Variants in OPCML observed in about 807,000 individuals in gnomAD.
OPCML encodes the protein opioid-binding protein/cell adhesion molecule.
A neutral mutation model predicts 37.8 loss-of-function variants in OPCML; 13 were observed. The observed-to-expected ratio is 0.34, with a 90% CI of 0.22 to 0.55. The LOEUF is 0.55. Among genes scored for constraint, OPCML ranks in the 20% least tolerant of loss-of-function variants. OPCML has a pLI of 0.91. For synonymous variants in OPCML, 176 were observed against 168.8 expected (o/e 1.04, Z -0.33); for missense variants, 341 against 435.6 (o/e 0.78, Z 1.93).
At chr11:133,487,891 T>C (rs1448286168) in intron 1 of OPCML, among the ~76,000 whole-genome samples, 1 of 145,218 alleles carries the variant, frequency 6.9e-6, no homozygotes, top group African/African-American at 2.7e-5. Context: ...TGTAGCAAAC[T>C]GAATCCAACA....
At chr11:132,998,085 C>T (rs1190087127) in intron 1 of OPCML, among the ~76,000 whole-genome samples, 1 of 152,166 alleles carries the variant, frequency 6.6e-6, no homozygotes, top group African/African-American at 2.4e-5. Flanking sequence ...CGGCTGCCTG[C>T]CCATCCTTCA....
chr11:133,025,409 A>G (rs1947533113), intron 1 of OPCML: 1 of 985,316 alleles, frequency 1.0e-6, no homozygotes, highest in Non-Finnish European at 1.2e-6. Context: ...TATTCCCAAA[A>G]TGTGTGTCTC....
At chr11:132,944,989 G>A (rs1945714373) in intron 1 of OPCML, among the ~76,000 whole-genome samples, 1 of 152,214 alleles carries the variant, frequency 6.6e-6, no homozygotes, top group South Asian at 2.1e-4. Context: ...AGGATACAAA[G>A]GCATACTACT....
intron 1 of OPCML, among the ~76,000 whole-genome samples, chr11:133,328,602 T>C (rs1045516044): frequency 2.0e-5 from 3 of 152,174 alleles, no homozygotes; most frequent in African/African-American, 7.2e-5. Flanking sequence ...TACTAAATAT[T>C]GAGGACACAA....
At chr11:133,160,522 C>T (rs959413395) in intron 1 of OPCML, among the ~76,000 whole-genome samples, 8 of 152,246 alleles carry the variant, frequency 5.3e-5, no homozygotes, top group Non-Finnish European at 1.0e-4. Flanking sequence ...TGACTTGTCT[C>T]ATCAATGTTT....
At chr11:133,432,896 A>C (rs1244626916) in intron 1 of OPCML, among the ~76,000 whole-genome samples, 1 of 152,134 alleles carries the variant, frequency 6.6e-6, no homozygotes, top group African/African-American at 2.4e-5. Context: ...TAATAAAAGA[A>C]ATGTTGGGAA....
At chr11:132,649,411 T>G (rs1941318233) in intron 3 of OPCML, among the ~76,000 whole-genome samples, 1 of 152,174 alleles carries the variant, frequency 6.6e-6, no homozygotes, top group Admixed American at 6.5e-5. Flanking sequence ...TATTCGTTAA[T>G]ATCTGAGAAA....
chr11:132,995,966 G>A (rs1248714206), intron 1 of OPCML, among the ~76,000 whole-genome samples: 1 of 152,202 alleles, frequency 6.6e-6, no homozygotes, highest in Non-Finnish European at 1.5e-5. Flanking sequence ...CCTCTGGGCA[G>A]CCCCAGCCAA....
intron 3 of OPCML, among the ~76,000 whole-genome samples, chr11:132,632,763 C>A (rs1318136471): frequency 1.3e-5 from 2 of 152,094 alleles, no homozygotes. Flanking sequence ...CATAGCCAAA[C>A]TATGCAAATG....
rs556540773 is a variant in OPCML at position 132,774,915 on chromosome 11, T to C, written c.147-117596A>G. 2.1e-4 allele frequency among the ~76,000 whole-genome samples: 32 copies of C among 152,310 alleles called. 1 individual carries two copies. In the South Asian group the frequency reaches 6.4e-3, roughly 31 times the overall value. On this transcript the variant is annotated intron_variant, in intron 2 of 7. Coordinates refer to ENST00000524381, the MANE Select transcript of OPCML (RefSeq NM_001012393.5). ...TATATACCATTTATCCCAATTCACTTTGGAGGGTGAGAGCCATATCATGTA... is the reference window on the plus strand; with the variant it reads ...TATATACCATTTATCCCAATTCACTCTGGAGGGTGAGAGCCATATCATGTA...
chr11:133,305,602 A>G (rs778540728), intron 1 of OPCML, among the ~76,000 whole-genome samples: 9 of 152,256 alleles, frequency 5.9e-5, no homozygotes, highest in Middle Eastern at 3.4e-3. Context: ...AAATTTTGCC[A>G]CCCTTTTCTC....
intron 1 of OPCML, among the ~76,000 whole-genome samples, chr11:133,394,209 C>T (rs1945238040): frequency 6.6e-6 from 1 of 152,138 alleles, no homozygotes; most frequent in African/African-American, 2.4e-5. Context: ...ATTATAGTTG[C>T]CAAATTATGT....
At chr11:133,110,270 A>G (rs1395075874) in intron 1 of OPCML, among the ~76,000 whole-genome samples, 1 of 152,226 alleles carries the variant, frequency 6.6e-6, no homozygotes, top group Non-Finnish European at 1.5e-5. Flanking sequence ...CCTTAGAATA[A>G]TAAGTGCTCT....
chr11:133,138,366 C>T (rs975989310), intron 1 of OPCML, among the ~76,000 whole-genome samples: 4 of 152,136 alleles, frequency 2.6e-5, no homozygotes, highest in South Asian at 2.1e-4. Context: ...CAACACTAAA[C>T]GGATTAAGAC....
At position 133,140,988 on chromosome 11, in the gene OPCML, A is replaced by AGACGAAGACGAAGAC. The variant is rs1164695989; in HGVS notation, c.62-197979_62-197978insGTCTTCGTCTTCGTC. ...AAGAAGAAGAAGAAGAAGAAGAAGA[A>AGACGAAGACGAAGAC]GAAGAAGAAGACGACGACGACGACG... On this transcript the variant is annotated intron_variant, in intron 1 of 7. Transcript: ENST00000524381. 1.6e-3 allele frequency among the ~76,000 whole-genome samples: 7 copies of AGACGAAGACGAAGAC among 4,430 alleles called. 3 individuals are homozygous for AGACGAAGACGAAGAC. Among genetic ancestry groups the AGACGAAGACGAAGAC allele is most frequent in the African/African-American group, 2.7e-3 (7 of 2,616 alleles). The allele number at this position is 4,430 out of a possible 152,430, so 2.9% of individuals were successfully genotyped here.
rs144337830 is a variant in OPCML at position 132,959,832 on chromosome 11, C to A, written c.62-16822G>T. Among the ~76,000 whole-genome samples, 629 of 152,262 alleles carry A rather than the reference C, an allele frequency of 4.1e-3. 3 individuals carry two copies. The highest frequency in any genetic ancestry group is 0.015 in the African/African-American group (609 of 41,548). The stretch of plus-strand genomic sequence containing the variant: ...ATAGCAGCCTGAGGAGGAAAACAAC[C>A]CAAATCTGTCTCATCTCACACATAG... On this transcript the variant is annotated intron_variant, in intron 1 of 7. Transcript: ENST00000524381.
chr11:133,456,698 A>C (rs1346904687), intron 1 of OPCML, among the ~76,000 whole-genome samples: 1 of 152,024 alleles, frequency 6.6e-6, no homozygotes, highest in Admixed American at 6.5e-5. Context: ...TATGAACAAA[A>C]TAATAATATC....
At chr11:133,038,484 A>T (rs1947825346) in intron 1 of OPCML, among the ~76,000 whole-genome samples, 1 of 152,258 alleles carries the variant, frequency 6.6e-6, no homozygotes, top group South Asian at 2.1e-4. Flanking sequence ...ATTGACAATT[A>T]TAAAAAGATT....
chr11:132,570,804 TAG>T (rs1203341702), intron 3 of OPCML, among the ~76,000 whole-genome samples: 2 of 90,760 alleles, frequency 2.2e-5, no homozygotes, highest in Non-Finnish European at 4.3e-5. Flanking sequence ...TATATATATT[TAG>T]AGAGAGAGAG....
Sources: gnomAD v4.1 joint callset for allele counts (sites outside exome capture counted in the v4.1 genomes callset) on GRCh38, gnomAD v4.1.1 for gene constraint, MANE v1.5 for transcripts, NCBI Gene and HGNC (gene_info 2026-07-23, HGNC 2026-07-21) for gene names.